Variants in DRD2 observed in about 807,000 individuals in gnomAD.
DRD2 encodes D(2) dopamine receptor.
A neutral mutation model predicts 38.0 loss-of-function variants in DRD2; 8 were observed. That is an observed-to-expected ratio of 0.21 (90% CI 0.12 to 0.38). DRD2 has a LOEUF of 0.38. Among genes scored for constraint, DRD2 ranks in the 10% least tolerant of loss-of-function variants. DRD2 has a pLI of 1.00. For synonymous variants in DRD2, 230 were observed against 238.6 expected, an observed-to-expected ratio of 0.96 and a Z score of 0.33; for missense variants, 403 against 607.7, an observed-to-expected ratio of 0.66 and a Z score of 3.54.
At chr11:113,454,618 A>T (rs1007624005) in intron 1 of DRD2, among the ~76,000 whole-genome samples, 1 of 152,156 alleles carries the variant, frequency 6.6e-6, no homozygotes, top group Non-Finnish European at 1.5e-5. Flanking sequence ...CTCTCTACTC[A>T]GTCTCCTTGT....
At chr11:113,432,134 T>C (rs1950992887) in intron 1 of DRD2, among the ~76,000 whole-genome samples, 2 of 152,220 alleles carry the variant, frequency 1.3e-5, no homozygotes, top group South Asian at 4.1e-4. Context: ...AACCTGACAT[T>C]TTCTCTCAGG....
At chr11:113,429,526 T>G (rs894719593) in intron 1 of DRD2, among the ~76,000 whole-genome samples, 2 of 152,202 alleles carry the variant, frequency 1.3e-5, no homozygotes, top group African/African-American at 4.8e-5. Context: ...ATTACAGGCG[T>G]GAGCCACCGC....
rs200340299 is a variant in DRD2 at position 113,412,655 on chromosome 11, G to A, written c.1039C>T (p.Pro347Ser). 40 of 1,614,220 alleles carry A rather than the reference G, an allele frequency of 2.5e-5. No homozygotes were observed. Among genetic ancestry groups the A allele is most frequent in the Non-Finnish European group, 3.4e-5 (40 of 1,180,036 alleles). ...IAKIFEIQTM[P>S]NGKTRTSLKT... ...AGGGAGGTCCGGGTTTTGCCATTGGGCATGGTCTGGATCTCAAAGATCTTG... is the reference window on the plus strand; with the variant it reads ...AGGGAGGTCCGGGTTTTGCCATTGGACATGGTCTGGATCTCAAAGATCTTG... Residue 347 changes from proline (P) to serine (S), a missense_variant, in exon 7 of 8, where the codon CCC becomes TCC. This residue lies in a region of DRD2 where 67 missense variants were observed against 136.1 expected (regional missense o/e 0.49). Transcript: ENST00000362072.
intron 1 of DRD2, among the ~76,000 whole-genome samples, chr11:113,434,407 C>T (rs1565668380): frequency 1.3e-5 from 2 of 152,190 alleles, no homozygotes; most frequent in African/African-American, 4.8e-5. Context: ...CATTTCTCCT[C>T]CCAGATCCTT....
intron 1 of DRD2, among the ~76,000 whole-genome samples, chr11:113,448,701 C>A (rs1006280495): frequency 6.6e-6 from 1 of 152,144 alleles, no homozygotes. Context: ...TTGTCACTTC[C>A]GAGAGGGGAC....
At chr11:113,422,194 G>A (rs116062498) in intron 2 of DRD2, among the ~76,000 whole-genome samples, 1,578 of 152,266 alleles carry the variant, frequency 0.01, 26 homozygotes, top group African/African-American at 0.037. Context: ...TATCCCAAGG[G>A]GGCGGTGAAT....
chr11:113,410,671 TGGCC>T lies in DRD2; in HGVS notation c.*52_*55del. The stretch of plus-strand genomic sequence containing the variant: ...TGCTCACGGTTCGCAAGGGTGAGGC[TGGCC>T]GGCCTGGGCAGGGAGGTGGGAAGCA... On this transcript the variant is annotated 3_prime_UTR_variant, in exon 8 of 8. Transcript: ENST00000362072. 6.2e-7 allele frequency: 1 copy of T among 1,609,738 alleles called. No homozygotes were observed. Among genetic ancestry groups the T allele is most frequent in the Non-Finnish European group, 8.5e-7 (1 of 1,177,028 alleles).
chr11:113,470,979 G>A (rs1300567084), intron 1 of DRD2, among the ~76,000 whole-genome samples: 1 of 151,978 alleles, frequency 6.6e-6, no homozygotes, highest in Admixed American at 6.6e-5. Context: ...AGCTGCCAAG[G>A]GTATTGATTT....
intron 1 of DRD2, among the ~76,000 whole-genome samples, chr11:113,451,697 C>T (rs1265483828): frequency 6.6e-6 from 1 of 152,068 alleles, no homozygotes; most frequent in Non-Finnish European, 1.5e-5. Flanking sequence ...ACCATGTCGG[C>T]CAGGCTGGTC....
chr11:113,467,015 T>C (rs1299842972), intron 1 of DRD2, among the ~76,000 whole-genome samples: 4 of 151,772 alleles, frequency 2.6e-5, no homozygotes, highest in Non-Finnish European at 5.9e-5. Flanking sequence ...TAAAGAAAAA[T>C]AGTGTGTGGA....
chr11:113,432,286 CTT>C lies in DRD2; in HGVS notation c.-31-7606_-31-7605del, dbSNP rs1491315336. On this transcript the variant is annotated intron_variant, in intron 1 of 7. Transcript: ENST00000362072. ...CAGAGAGGATTTTCTCTGATCCTCTCTTTCTCTCTCTCTCTCTCTCTCTCTCT... is the reference window on the plus strand; with the variant it reads ...CAGAGAGGATTTTCTCTGATCCTCTCTCTCTCTCTCTCTCTCTCTCTCTCT... 5.9e-4 allele frequency among the ~76,000 whole-genome samples: 38 copies of C among 64,606 alleles called. 1 individual carries two copies. Among genetic ancestry groups the C allele is most frequent in the African/African-American group, 2.1e-3 (35 of 16,738 alleles). 42.4% of individuals were successfully genotyped at this position (64,606 alleles called of 152,430 possible). A position where few individuals can be genotyped will look rare whatever the true frequency, so the allele number is the denominator to read the frequency against.
chr11:113,428,284 G>T (rs1950957463), intron 1 of DRD2, among the ~76,000 whole-genome samples: 1 of 152,190 alleles, frequency 6.6e-6, no homozygotes, highest in Non-Finnish European at 1.5e-5. Flanking sequence ...GAAGTCACAA[G>T]AAAGGCATCA....
At chr11:113,470,986 A>C (rs1270219821) in intron 1 of DRD2, among the ~76,000 whole-genome samples, 1 of 152,220 alleles carries the variant, frequency 6.6e-6, no homozygotes, top group Non-Finnish European at 1.5e-5. Context: ...AAGGGTATTG[A>C]TTTAACCCAT....
At chr11:113,429,419 G>A (rs990774208) in intron 1 of DRD2, among the ~76,000 whole-genome samples, 1 of 152,122 alleles carries the variant, frequency 6.6e-6, no homozygotes, top group African/African-American at 2.4e-5. Context: ...TAATTTTTTT[G>A]TATTTTTAGT....
At chr11:113,431,717 T>C (rs1246194562) in intron 1 of DRD2, among the ~76,000 whole-genome samples, 3 of 152,214 alleles carry the variant, frequency 2.0e-5, no homozygotes, top group African/African-American at 7.2e-5. Context: ...TCAAGGTGCA[T>C]AGAAATATTA....
chr11:113,447,280 T>C (rs1951160207), intron 1 of DRD2, among the ~76,000 whole-genome samples: 1 of 152,138 alleles, frequency 6.6e-6, no homozygotes, highest in South Asian at 2.1e-4. Context: ...CTCCGTGATG[T>C]TGTTCTTTAA....
intron 1 of DRD2, among the ~76,000 whole-genome samples, chr11:113,434,198 C>T (rs1386809964): frequency 1.3e-5 from 2 of 152,234 alleles, no homozygotes; most frequent in African/African-American, 4.8e-5. Context: ...CAGTATTTGT[C>T]TAGAGATTTG....
chr11:113,467,796 G>T (rs1951384511), intron 1 of DRD2, among the ~76,000 whole-genome samples: 1 of 152,176 alleles, frequency 6.6e-6, no homozygotes, highest in African/African-American at 2.4e-5. Flanking sequence ...AATGAATTCA[G>T]CTGCACCTAA....
At chr11:113,421,235 T>C (rs1950881236) in intron 2 of DRD2, among the ~76,000 whole-genome samples, 1 of 152,178 alleles carries the variant, frequency 6.6e-6, no homozygotes. Flanking sequence ...ACCCTCATGC[T>C]GGGCCTTATG....
Sources: gnomAD v4.1 joint callset for allele counts (sites outside exome capture counted in the v4.1 genomes callset) on GRCh38, gnomAD v4.1.1 for gene constraint, gnomAD v4.1.1 regional missense constraint, MANE v1.5 for transcripts, NCBI Gene and HGNC (gene_info 2026-07-23, HGNC 2026-07-21) for gene names.